The following LHFPL3 variants were observed in gnomAD, a reference collection of about 807,000 sequenced individuals.
The protein encoded by LHFPL3 is LHFPL tetraspan subfamily member 3.
Under a neutral mutation model 19.3 loss-of-function variants are expected in LHFPL3, and 5 were observed. The ratio of observed to expected loss-of-function variants is 0.26; its 90% confidence interval spans 0.14 to 0.54. The LOEUF (loss-of-function observed/expected upper bound fraction) is 0.54. Among genes scored for constraint, LHFPL3 ranks in the 20% least tolerant of loss-of-function variants. LHFPL3 has a pLI of 0.94. For missense variants in LHFPL3, 249 were observed against 307.4 expected (o/e 0.81, Z 1.42); for synonymous variants, 133 against 126.2 (o/e 1.05, Z -0.36).
chr7:104,533,952 C>T (rs1794350154), intron 1 of LHFPL3, among the ~76,000 whole-genome samples: 2 of 152,310 alleles, frequency 1.3e-5, no homozygotes, highest in South Asian at 4.1e-4. Context: ...AGACAAACCC[C>T]TACGTTCCAG....
At chr7:104,613,569 C>A (rs1791249118) in intron 1 of LHFPL3, among the ~76,000 whole-genome samples, 1 of 152,112 alleles carries the variant, frequency 6.6e-6, no homozygotes, top group Non-Finnish European at 1.5e-5. Flanking sequence ...CCCTTCTTGC[C>A]TTTCAAACTC....
intron 1 of LHFPL3, among the ~76,000 whole-genome samples, chr7:104,713,023 T>C (rs1273658567): frequency 2.0e-5 from 3 of 152,210 alleles, no homozygotes; most frequent in Admixed American, 2.0e-4. Flanking sequence ...CTTCTTTTTA[T>C]TCCCTCAAGC....
At chr7:104,497,221 A>T (rs192352715) in intron 1 of LHFPL3, among the ~76,000 whole-genome samples, 1 of 151,648 alleles carries the variant, frequency 6.6e-6, no homozygotes, top group East Asian at 1.9e-4. Context: ...GATAAGTTTC[A>T]CTTATGTGTC....
At chr7:104,855,405 C>G (rs1791483734) in intron 2 of LHFPL3, among the ~76,000 whole-genome samples, 1 of 152,154 alleles carries the variant, frequency 6.6e-6, no homozygotes, top group African/African-American at 2.4e-5. Flanking sequence ...TGGAGTGTGA[C>G]TGCAAGTCAC....
At chr7:104,499,497 A>G (rs1157163447) in intron 1 of LHFPL3, among the ~76,000 whole-genome samples, 1 of 152,220 alleles carries the variant, frequency 6.6e-6, no homozygotes, top group Non-Finnish European at 1.5e-5. Flanking sequence ...ACCCTTGTGC[A>G]GGCCATGTTG....
rs1284346109 is a variant in LHFPL3 at position 104,800,903 on chromosome 7, G to A, written c.682+63992G>A. On this transcript the variant is annotated intron_variant, in intron 2 of 2. Transcript: ENST00000424859. ...CTCCTGAGGACCCCAAAATAGACAGGACCTTGGCCCGGCTTCCCTTTATGA... is the reference window on the plus strand; with the variant it reads ...CTCCTGAGGACCCCAAAATAGACAGAACCTTGGCCCGGCTTCCCTTTATGA... 2.0e-5 allele frequency among the ~76,000 whole-genome samples: 3 copies of A among 152,186 alleles called. No individual in the cohort carries two copies. In the East Asian group the frequency reaches 5.8e-4, roughly 29 times the overall value.
At chr7:104,393,278 A>G (rs191758560) in intron 1 of LHFPL3, among the ~76,000 whole-genome samples, 1 of 152,340 alleles carries the variant, frequency 6.6e-6, no homozygotes, top group East Asian at 1.9e-4. Context: ...ACAATGAAAC[A>G]TAAAGTTACC....
chr7:104,701,426 G>A (rs1005937020), intron 1 of LHFPL3, among the ~76,000 whole-genome samples: 1 of 152,100 alleles, frequency 6.6e-6, no homozygotes, highest in African/African-American at 2.4e-5. Context: ...TATGCTATAT[G>A]TATTACATAC....
chr7:104,612,724 A>G (rs900129162), intron 1 of LHFPL3, among the ~76,000 whole-genome samples: 1 of 152,202 alleles, frequency 6.6e-6, no homozygotes, highest in African/African-American at 2.4e-5. Context: ...TTGTGGGCCA[A>G]TACAGGGAGG....
chr7:104,415,004 T>C (rs997753157), intron 1 of LHFPL3, among the ~76,000 whole-genome samples: 2 of 152,182 alleles, frequency 1.3e-5, no homozygotes, highest in African/African-American at 4.8e-5. Context: ...TTCGGGTAAA[T>C]GTTAACTCTG....
intron 1 of LHFPL3, among the ~76,000 whole-genome samples, chr7:104,608,488 G>A (rs1226542922): frequency 4.3e-5 from 5 of 116,484 alleles, no homozygotes; most frequent in Non-Finnish European, 8.3e-5. Flanking sequence ...ACACTCCGGG[G>A]ACTGTTGTGG....
At chr7:104,754,506 C>A (rs149142971) in intron 2 of LHFPL3, among the ~76,000 whole-genome samples, 162 of 152,298 alleles carry the variant, frequency 1.1e-3, no homozygotes, top group African/African-American at 3.8e-3. Flanking sequence ...GGATCCTGAG[C>A]AAATCATTTG....
chr7:104,811,850 T>A (rs1220084710), intron 2 of LHFPL3, among the ~76,000 whole-genome samples: 1 of 152,240 alleles, frequency 6.6e-6, no homozygotes. Flanking sequence ...CTCTAGCTGA[T>A]TATGTCATTA....
intron 1 of LHFPL3, among the ~76,000 whole-genome samples, chr7:104,667,053 T>C (rs59322591): frequency 6.6e-6 from 1 of 151,916 alleles, no homozygotes; most frequent in East Asian, 1.9e-4. Flanking sequence ...ATTTTTAGCT[T>C]TTTGGGAAAT....
chr7:104,460,622 T>A (rs192805233), intron 1 of LHFPL3, among the ~76,000 whole-genome samples: 3 of 152,226 alleles, frequency 2.0e-5, no homozygotes, highest in African/African-American at 7.2e-5. Context: ...TTTTTTAATA[T>A]GATTGTTGCC....
chr7:104,578,676 C>A (rs1297870086), intron 1 of LHFPL3, among the ~76,000 whole-genome samples: 1 of 152,194 alleles, frequency 6.6e-6, no homozygotes, highest in Admixed American at 6.5e-5. Context: ...ACCCACCCTA[C>A]CGTGATAGAT....
chr7:104,794,416 A>G (rs925472269), intron 2 of LHFPL3, among the ~76,000 whole-genome samples: 1 of 152,196 alleles, frequency 6.6e-6, no homozygotes, highest in African/African-American at 2.4e-5. Flanking sequence ...AATTTGCCAC[A>G]TGGGGAATGG....
At chr7:104,703,863 C>T (rs1185336049) in intron 1 of LHFPL3, among the ~76,000 whole-genome samples, 1 of 151,954 alleles carries the variant, frequency 6.6e-6, no homozygotes, top group Admixed American at 6.6e-5. Context: ...CCTGTTAATT[C>T]GGAAGTGCTG....
chr7:104,691,941 G>T (rs372832948), intron 1 of LHFPL3, among the ~76,000 whole-genome samples: 4 of 152,362 alleles, frequency 2.6e-5, no homozygotes, highest in African/African-American at 9.6e-5. Flanking sequence ...TACAGACAAT[G>T]AAGTCAGGCT....
Sources: gnomAD v4.1 joint callset for allele counts (sites outside exome capture counted in the v4.1 genomes callset) on GRCh38, gnomAD v4.1.1 for gene constraint, MANE v1.5 for transcripts, NCBI Gene and HGNC (gene_info 2026-07-23, HGNC 2026-07-21) for gene names.